The following STON1 variants were observed in gnomAD, a reference collection of about 807,000 sequenced individuals.
STON1 encodes stonin 1.
In STON1, 79 loss-of-function variants were observed where a neutral mutation model predicts 60.9. The observed-to-expected ratio is 1.30, with a 90% CI of 1.08 to 1.56. STON1 has a LOEUF of 1.56. Ranked by LOEUF, STON1 falls within the 40% of genes most tolerant of loss-of-function variation. The pLI, the probability that STON1 is intolerant of heterozygous loss-of-function variation, is 0.00. For missense variants in STON1, 1,166 were observed against 858.9 expected, an observed-to-expected ratio of 1.36 and a Z score of -4.47; for synonymous variants, 363 against 306.9, an observed-to-expected ratio of 1.18 and a Z score of -1.91.
At chr2:48,560,867 C>T (rs1381775591) in intron 1 of STON1, among the ~76,000 whole-genome samples, 3 of 152,208 alleles carry the variant, frequency 2.0e-5, no homozygotes, top group Non-Finnish European at 4.4e-5. Flanking sequence ...GAAATTGGCC[C>T]TCACTTTATC....
intron 1 of STON1, among the ~76,000 whole-genome samples, chr2:48,537,856 A>G (rs1390462777): frequency 5.9e-5 from 9 of 151,804 alleles, no homozygotes; most frequent in African/African-American, 2.2e-4. Context: ...TCTCAAAAAA[A>G]AAAAAAGAAA....
chr2:48,549,298 C>A (rs1356451162), intron 1 of STON1, among the ~76,000 whole-genome samples: 2 of 152,296 alleles, frequency 1.3e-5, no homozygotes, highest in Non-Finnish European at 2.9e-5. Context: ...CCCTGAAGCA[C>A]CTTAAGGTAG....
chr2:48,565,400 C>G (rs1004463478), intron 1 of STON1, among the ~76,000 whole-genome samples: 4 of 151,758 alleles, frequency 2.6e-5, no homozygotes, highest in African/African-American at 4.8e-5. Context: ...GCTCTACACT[C>G]ATGACCTCAT....
At chr2:48,560,856 T>G (rs1171422683) in intron 1 of STON1, among the ~76,000 whole-genome samples, 2 of 152,162 alleles carry the variant, frequency 1.3e-5, no homozygotes, top group Non-Finnish European at 2.9e-5. Flanking sequence ...CTAGCCTCCT[T>G]GAAATTGGCC....
chr2:48,575,762 T>G (rs1673456396), intron 1 of STON1, among the ~76,000 whole-genome samples: 1 of 145,070 alleles, frequency 6.9e-6, no homozygotes, highest in African/African-American at 2.5e-5. Flanking sequence ...TTTGTTTGTT[T>G]TTTTTTTTTT....
rs199808169 is a variant in STON1, at chr2:48,575,755, G to GTTTTTTTTTTTTTTTTTTTTTTTT, written c.-47-4829_-47-4828insTTTTTTTTTTTTTTTTTTTTTTTT. The stretch of plus-strand genomic sequence containing the variant: ...TATGGTAGTTCTATTTTTAGTTTTT[G>GTTTTTTTTTTTTTTTTTTTTTTTT]TTTGTTTTTTTTTTTTTTTTGAGAT... On this transcript the variant is annotated intron_variant, in intron 1 of 3. Transcript: ENST00000404752. 1.3e-4 allele frequency among the ~76,000 whole-genome samples: 14 copies of GTTTTTTTTTTTTTTTTTTTTTTTT among 109,734 alleles called. 5 individuals carry two copies. Among genetic ancestry groups the GTTTTTTTTTTTTTTTTTTTTTTTT allele is most frequent in the Non-Finnish European group, 2.4e-4 (13 of 54,404 alleles). The allele number at this position is 109,734 out of a possible 152,430, so 72.0% of individuals were successfully genotyped here.
chr2:48,533,110 G>A lies in STON1; in HGVS notation c.-48+2894G>A, dbSNP rs192290295. On this transcript the variant is annotated intron_variant, in intron 1 of 3. Transcript: ENST00000404752. ...TCTTAAAAAAAAAGATGGGCCGGGC[G>A]CGGTGGCTTCCGCTTGTAATCCCAG... Among the ~76,000 whole-genome samples, 24 of 152,186 alleles carry A rather than the reference G, an allele frequency of 1.6e-4. No homozygotes were observed. In the East Asian group the frequency reaches 3.5e-3, roughly 22 times the overall value.
chr2:48,555,310 GGC>G (rs1226793157), intron 1 of STON1, among the ~76,000 whole-genome samples: 5 of 55,258 alleles, frequency 9.0e-5, no homozygotes, highest in African/African-American at 2.6e-4. Flanking sequence ...CGGCTGGCCG[GGC>G]GGGGGGGGCT....
chr2:48,564,684 CTTCT>C lies in STON1; in HGVS notation c.-47-15897_-47-15894del, dbSNP rs1208417047. Among the ~76,000 whole-genome samples, 3 of 137,008 alleles carry C rather than the reference CTTCT, an allele frequency of 2.2e-5. No individual in the cohort carries two copies. The East Asian group carries it at 6.3e-4, about 29-fold the overall frequency. The allele number at this position is 137,008 out of a possible 152,430, so 89.9% of individuals were successfully genotyped here. On this transcript the variant is annotated intron_variant, in intron 1 of 3. Transcript: ENST00000404752. ...TTCTTATTTCTTCTTCTTCTTCTTC[CTTCT>C]TTCTTCTTCTTCTTCTTCCTTATTT... is the stretch of plus-strand genomic sequence containing the variant.
At chr2:48,535,421 C>G (rs1256993199) in intron 1 of STON1, among the ~76,000 whole-genome samples, 2 of 152,124 alleles carry the variant, frequency 1.3e-5, no homozygotes, top group Non-Finnish European at 2.9e-5. Context: ...CCTGTACTAC[C>G]ATGTCCCCTC....
At chr2:48,550,780 A>G (rs1672071110) in intron 1 of STON1, among the ~76,000 whole-genome samples, 1 of 151,570 alleles carries the variant, frequency 6.6e-6, no homozygotes, top group South Asian at 2.1e-4. Flanking sequence ...CAGTTCCTAA[A>G]TTTCAAGGTG....
chr2:48,576,673 T>G (rs1673518212), intron 1 of STON1, among the ~76,000 whole-genome samples: 1 of 152,180 alleles, frequency 6.6e-6, no homozygotes, highest in South Asian at 2.1e-4. Context: ...TTCAAGTACT[T>G]TGCCAATTAC....
intron 2 of STON1, among the ~76,000 whole-genome samples, chr2:48,590,335 A>G (rs2103953134): frequency 6.6e-6 from 1 of 152,216 alleles, no homozygotes; most frequent in Admixed American, 6.5e-5. Context: ...TCTATTAGTC[A>G]CTCTACAAGA....
intron 1 of STON1, among the ~76,000 whole-genome samples, chr2:48,553,007 G>T (rs1293921855): frequency 2.0e-5 from 3 of 152,252 alleles, no homozygotes; most frequent in African/African-American, 4.8e-5. Context: ...TGGAGTGGCT[G>T]CTCCATGTGG....
At chr2:48,553,360 C>CCTTCT (rs1229124382) in intron 1 of STON1, among the ~76,000 whole-genome samples, 1 of 150,984 alleles carries the variant, frequency 6.6e-6, no homozygotes, top group Non-Finnish European at 1.5e-5. Flanking sequence ...CCTTCCCTTC[C>CCTTCT]CTTCTCTTCC....
rs534666872 is a variant in STON1, at chr2:48,542,322, A to G, written c.-48+12106A>G. On this transcript the variant is annotated intron_variant, in intron 1 of 3. Coordinates refer to ENST00000404752, the MANE Select transcript of STON1 (RefSeq NM_006873.4). ...GTGTCCTTCTATCAGTGACAATGGGAAAGAAATGGGCTTTGGAGTCAAGCA... is the reference window on the plus strand; with the variant it reads ...GTGTCCTTCTATCAGTGACAATGGGGAAGAAATGGGCTTTGGAGTCAAGCA... Among the ~76,000 whole-genome samples the G allele has an allele frequency of 1.7e-3, 252 of 152,298 alleles. 2 individuals are homozygous for G. The highest frequency in any genetic ancestry group is 5.7e-3 in the African/African-American group (237 of 41,580).
At chr2:48,554,348 A>G (rs1460689530) in intron 1 of STON1, among the ~76,000 whole-genome samples, 1 of 152,066 alleles carries the variant, frequency 6.6e-6, no homozygotes, top group Non-Finnish European at 1.5e-5. Flanking sequence ...CAGCCTCCCA[A>G]CTAGCTGGGA....
chr2:48,551,263 A>G (rs935111960), intron 1 of STON1, among the ~76,000 whole-genome samples: 2 of 152,102 alleles, frequency 1.3e-5, no homozygotes, highest in Admixed American at 6.6e-5. Flanking sequence ...TTCCTGGGTA[A>G]ATTTGTTATG....
At chr2:48,548,684 A>G (rs371784845) in intron 1 of STON1, among the ~76,000 whole-genome samples, 1 of 150,680 alleles carries the variant, frequency 6.6e-6, no homozygotes, top group South Asian at 2.1e-4. Context: ...TTTTTAGTAG[A>G]TGTGGGGGTT....
Sources: allele counts gnomAD v4.1 joint callset (sites outside exome capture counted in the v4.1 genomes callset), GRCh38; gene constraint gnomAD v4.1.1; transcripts MANE v1.5; gene names NCBI Gene and HGNC (gene_info 2026-07-23, HGNC 2026-07-21).